Variants in TP73 observed in about 807,000 individuals in gnomAD.
TP73 encodes p53-like transcription factor.
In TP73, 25 loss-of-function variants were observed where a neutral mutation model predicts 62.5. That is an observed-to-expected ratio of 0.40 (90% CI 0.29 to 0.56). The LOEUF is 0.56. TP73 is among the 20% of genes least tolerant of loss of function. The probability of loss-of-function intolerance (pLI) is 0.46; values close to 1 mark genes in which losing one functional copy is unlikely to be tolerated. For missense variants in TP73, 754 were observed against 913.3 expected, an observed-to-expected ratio of 0.83 and a Z score of 2.25; for synonymous variants, 423 against 377.5, an observed-to-expected ratio of 1.12 and a Z score of -1.40.
intron 1 of TP73, among the ~76,000 whole-genome samples, chr1:3,654,979 C>T (rs1377097539): frequency 3.3e-5 from 5 of 152,246 alleles, no homozygotes; most frequent in South Asian, 2.1e-4. Flanking sequence ...AGAACCCGGA[C>T]GAGGCCCTGC....
intron 6 of TP73, among the ~76,000 whole-genome samples, chr1:3,725,872 T>TGGGG (rs1641507774): frequency 2.0e-5 from 1 of 49,712 alleles, no homozygotes; most frequent in Admixed American, 2.4e-4. Context: ...GGTGGGTGGG[T>TGGGG]GGATGGATGG....
intron 6 of TP73, among the ~76,000 whole-genome samples, chr1:3,725,159 C>T (rs1641400830): frequency 6.6e-6 from 1 of 152,118 alleles, no homozygotes; most frequent in African/African-American, 2.4e-5. Flanking sequence ...ATGCAACACA[C>T]ACGTAGGGCC....
At chr1:3,673,887 G>A (rs1383974677) in intron 1 of TP73, among the ~76,000 whole-genome samples, 3 of 152,156 alleles carry the variant, frequency 2.0e-5, no homozygotes, top group Admixed American at 6.5e-5. Context: ...GTGGGAACAC[G>A]GACTGGGGAG....
intron 3 of TP73, among the ~76,000 whole-genome samples, chr1:3,705,594 C>A (rs1371532114): frequency 6.6e-6 from 1 of 152,266 alleles, no homozygotes; most frequent in African/African-American, 2.4e-5. Flanking sequence ...CCTGCTGGGG[C>A]TGTTGGCTGT....
chr1:3,688,055 C>T (rs1348698640), intron 3 of TP73, among the ~76,000 whole-genome samples: 1 of 152,120 alleles, frequency 6.6e-6, no homozygotes, highest in Non-Finnish European at 1.5e-5. Flanking sequence ...GGCAGGCGGA[C>T]AGAGGGAGAA....
At chr1:3,661,695 C>T (rs768268107) in intron 1 of TP73, among the ~76,000 whole-genome samples, 3 of 140,670 alleles carry the variant, frequency 2.1e-5, no homozygotes, top group Non-Finnish European at 4.5e-5. Flanking sequence ...GAGCAACAAA[C>T]TGTATATACA....
intron 4 of TP73, among the ~76,000 whole-genome samples, chr1:3,713,582 T>C (rs575031085): frequency 3.4e-4 from 52 of 152,050 alleles, no homozygotes; most frequent in Non-Finnish European, 6.9e-4. Flanking sequence ...ACTTCTGGGA[T>C]TTTCTGAGAT....
At chr1:3,722,564 AC>A (rs1641155958) in intron 5 of TP73, among the ~76,000 whole-genome samples, 1 of 152,102 alleles carries the variant, frequency 6.6e-6, no homozygotes. Context: ...CTGGGCAGGC[AC>A]CCCCAGAGCA....
At chr1:3,731,239 G>A (rs192671306) in intron 12 of TP73, among the ~76,000 whole-genome samples, 174 bp downstream of exon 12, 233 of 152,278 alleles carry the variant, frequency 1.5e-3, no homozygotes, top group African/African-American at 5.0e-3. Context: ...CTGGGGAAAT[G>A]GTCCACTTAG....
At chr1:3,726,975 T>C (rs1641700618) in intron 6 of TP73, 140 bp from the exon 7 acceptor site, 2 of 601,996 alleles carry the variant, frequency 3.3e-6, no homozygotes, top group Admixed American at 6.5e-5. Context: ...TGGACAGATA[T>C]ACAAATGGCA....
rs1398785280 is a variant in TP73 at position 3,666,814 on chromosome 1, A to T, written c.-34+14173A>T. On this transcript the variant is annotated intron_variant, in intron 1 of 13. Coordinates refer to ENST00000378295, the MANE Select transcript of TP73 (RefSeq NM_005427.4). This position sits in a 1 kb window ranked among gnomAD's most constrained non-coding sequence, Gnocchi z 6.4. ...GCGTCTCTCCCAGGGCGGCTTTCAG[A>T]CTGACCCCCAAACAGAGGGCTCAGA... 3.3e-5 allele frequency among the ~76,000 whole-genome samples: 5 copies of T among 152,136 alleles called. No individual in the cohort carries two copies. The East Asian group carries it at 9.6e-4, about 29-fold the overall frequency.
rs2102044475 is a variant in TP73, at chr1:3,670,649, G to C, written c.-33-11684G>C. 6.6e-6 allele frequency among the ~76,000 whole-genome samples: 1 copy of C among 152,228 alleles called. No individual in the cohort carries two copies. Among genetic ancestry groups the C allele is most frequent in the African/African-American group, 2.4e-5 (1 of 41,534 alleles). On this transcript the variant is annotated intron_variant, in intron 1 of 13. Transcript: ENST00000378295. The surrounding 1 kb of genome is among the most constrained non-coding windows in gnomAD (Gnocchi z 5.9). ...CCACTGCACTCCAGCCTGGGTGACA[G>C]AGCGAGACTCTATCTCAAAAAAAAT...
chr1:3,671,633 T>A (rs369828656), intron 1 of TP73, among the ~76,000 whole-genome samples: 2 of 152,192 alleles, frequency 1.3e-5, no homozygotes, highest in African/African-American at 4.8e-5. Context: ...GCTTCTGAGA[T>A]GTGCGGCCCT....
At position 3,731,569 on chromosome 1, in the gene TP73, T is replaced by C; in HGVS notation, c.1578+13T>C. On this transcript the variant is annotated intron_variant, in intron 13 of 13. Coordinates refer to ENST00000378295, the MANE Select transcript of TP73 (RefSeq NM_005427.4). ...CCTGACCATTGAGGTAACGCCCGGG[T>C]GGACCCCGCTCTGCAGAGGCAGTAG... is the stretch of plus-strand genomic sequence containing the variant. 6.2e-7 allele frequency: 1 copy of C among 1,612,658 alleles called. No individual in the cohort carries two copies. The highest frequency in any genetic ancestry group is 8.5e-7 in the Non-Finnish European group (1 of 1,179,190).
chr1:3,673,223 G>A (rs894356578), intron 1 of TP73, among the ~76,000 whole-genome samples: 1 of 152,186 alleles, frequency 6.6e-6, no homozygotes, highest in Admixed American at 6.5e-5. Context: ...TGAGACACGC[G>A]TGCTGACCAT....
At chr1:3,655,066 T>G (rs1276151874) in intron 1 of TP73, among the ~76,000 whole-genome samples, 1 of 152,160 alleles carries the variant, frequency 6.6e-6, no homozygotes, top group African/African-American at 2.4e-5. Flanking sequence ...AACCCTGTGT[T>G]TGCAAAAAGT....
At chr1:3,661,881 ATTTTATT>A (rs1260036498) in intron 1 of TP73, among the ~76,000 whole-genome samples, 25 of 147,230 alleles carry the variant, frequency 1.7e-4, no homozygotes, top group African/African-American at 5.5e-4. Flanking sequence ...TATATTTTTT[ATTTTATT>A]TTTTATTTTT....
At chr1:3,709,568 A>C (rs1639962644) in intron 4 of TP73, among the ~76,000 whole-genome samples, 1 of 152,176 alleles carries the variant, frequency 6.6e-6, no homozygotes, top group Non-Finnish European at 1.5e-5. Context: ...CTGTGGGGCA[A>C]GGGGGACCAG....
Position 3,683,027 on chromosome 1 carries a change from A to G in TP73, c.66-33A>G, listed in dbSNP as rs766536962. 6.4e-5 allele frequency: 102 copies of G among 1,584,144 alleles called. No individual in the cohort carries two copies. The Middle Eastern group carries it at 1.5e-3, about 23-fold the overall frequency. On this transcript the variant is annotated intron_variant, in intron 2 of 13. Transcript: ENST00000378295. ...TATTGGGGTGACACCCAAACTGGGG[A>G]CTGACGCTTCTATTTTCCTCTCCCT...
Sources: gnomAD v4.1 joint callset for allele counts (sites outside exome capture counted in the v4.1 genomes callset) on GRCh38, gnomAD v4.1.1 for gene constraint, Gnocchi (gnomAD v3.1) non-coding constraint, MANE v1.5 for transcripts, NCBI Gene and HGNC (gene_info 2026-07-23, HGNC 2026-07-21) for gene names.